The following ASH1L variants were observed in gnomAD, a reference collection of about 807,000 sequenced individuals.
ASH1L encodes histone-lysine N-methyltransferase ASH1L.
In ASH1L, 23 loss-of-function variants were observed where a neutral mutation model predicts 269.0. That is an observed-to-expected ratio of 0.09 (90% CI 0.06 to 0.12). The LOEUF (loss-of-function observed/expected upper bound fraction) is 0.12, where lower values mean the gene tolerates loss of function less well. ASH1L is among the 10% of genes least tolerant of loss of function. ASH1L has a pLI of 1.00. For synonymous variants in ASH1L, 1,187 were observed against 1,253.5 expected (o/e 0.95, Z 1.12); for missense variants, 2,912 against 3,567.8 (o/e 0.82, Z 4.68).
chr1:155,485,029 CG>C lies in ASH1L; in HGVS notation c.421-2581del, dbSNP rs533023670. On this transcript the variant is annotated intron_variant, in intron 2 of 27. Coordinates refer to ENST00000392403, the MANE Select transcript of ASH1L (RefSeq NM_018489.3). ...ATCCCAGCACTTTGTGAGGCCAAGA[CG>C]GGTGGATCACCTGAGGTCAGGAGTT... Among the ~76,000 whole-genome samples, 29 of 149,336 alleles carry C rather than the reference CG, an allele frequency of 1.9e-4. No homozygotes were observed. The South Asian group carries it at 6.1e-3, about 32-fold the overall frequency.
At chr1:155,344,367 T>G in intron 21 of ASH1L, 94 bp from the exon 22 acceptor site, 1 of 946,278 alleles carries the variant, frequency 1.1e-6, no homozygotes, top group South Asian at 1.5e-5. Context: ...AAACTTACTG[T>G]TTAGTCATTT....
In ASH1L at chr1:155,341,208, G is replaced by A. The variant is rs546966667; in HGVS notation, c.8460+728C>T. Among the ~76,000 whole-genome samples the A allele has an allele frequency of 1.6e-4, 23 of 144,544 alleles. No individual in the cohort carries two copies. In the East Asian group the frequency reaches 3.1e-3, roughly 20 times the overall value. The allele number at this position is 144,544 out of a possible 152,430, so 94.8% of individuals were successfully genotyped here. A position where few individuals can be genotyped will look rare whatever the true frequency, so the allele number is the denominator to read the frequency against. On this transcript the variant is annotated intron_variant, in intron 25 of 27. Transcript: ENST00000392403. ...TTTTTTTTTTTTGAGACGGAGTCTC[G>A]CTCTGTCACCCAGGCTGGAGTGCAG...
rs2148373288 is a variant in ASH1L at position 155,358,113 on chromosome 1, A to C, written c.6796-364T>G. Among the ~76,000 whole-genome samples the C allele has an allele frequency of 1.3e-5, 2 of 152,246 alleles. 1 individual carries two copies. The highest frequency in any genetic ancestry group is 1.3e-4 in the Admixed American group (2 of 15,276). ...AGCTTGCAGTCTCATTTACTAGCTTAAAGAGGATTCCTGAGCATTTGGACA... is the reference window on the plus strand; with the variant it reads ...AGCTTGCAGTCTCATTTACTAGCTTCAAGAGGATTCCTGAGCATTTGGACA... On this transcript the variant is annotated intron_variant, in intron 13 of 27. Coordinates refer to ENST00000392403, the MANE Select transcript of ASH1L (RefSeq NM_018489.3).
intron 2 of ASH1L, among the ~76,000 whole-genome samples, chr1:155,490,055 G>A (rs972509282): frequency 6.0e-5 from 9 of 150,554 alleles, no homozygotes; most frequent in Admixed American, 4.0e-4. Flanking sequence ...TGCAAACTCC[G>A]CCTCCCAGGT....
rs991757427 is a variant in ASH1L at position 155,384,736 on chromosome 1, C to A, written c.6104-4620G>T. ...TGTACTGAAATGTGATTATGTGTCT[C>A]GGCATATATTTGTTTGAGTTTATCC... is the stretch of plus-strand genomic sequence containing the variant. On this transcript the variant is annotated intron_variant, in intron 7 of 27. Transcript: ENST00000392403. Among the ~76,000 whole-genome samples the A allele has an allele frequency of 2.0e-5, 3 of 152,040 alleles. No homozygotes were observed. In the East Asian group the frequency reaches 5.8e-4, roughly 29 times the overall value.
intron 13 of ASH1L, among the ~76,000 whole-genome samples, chr1:155,359,909 A>T (rs1377430791): frequency 6.6e-6 from 1 of 150,476 alleles, no homozygotes; most frequent in Non-Finnish European, 1.5e-5. Context: ...TTTGAGACAG[A>T]GTCAGTCTTG....
rs142324327 is a variant in ASH1L at position 155,494,115 on chromosome 1, A to G, written c.421-11666T>C. ...AAGGCCAGGGATGGAAAGAATTTAC[A>G]ATGTTAAAACGGGCTGTCGGAAAGT... On this transcript the variant is annotated intron_variant, in intron 2 of 27. Coordinates refer to ENST00000392403, the MANE Select transcript of ASH1L (RefSeq NM_018489.3). Among the ~76,000 whole-genome samples, 41 of 152,318 alleles carry G rather than the reference A, an allele frequency of 2.7e-4. No homozygotes were observed. The East Asian group carries it at 7.3e-3, about 27-fold the overall frequency.
At chr1:155,391,007 G>A (rs1030865246) in intron 7 of ASH1L, among the ~76,000 whole-genome samples, 1 of 150,732 alleles carries the variant, frequency 6.6e-6, no homozygotes, top group Non-Finnish European at 1.5e-5. Flanking sequence ...GTACAGTGGC[G>A]CAATCTCTGC....
At chr1:155,410,356 T>C (rs1326431797) in intron 6 of ASH1L, among the ~76,000 whole-genome samples, 1 of 152,068 alleles carries the variant, frequency 6.6e-6, no homozygotes, top group Non-Finnish European at 1.5e-5. Context: ...CAGGCTGGAG[T>C]GCAATGGTGC....
chr1:155,500,863 G>A (rs1169404807), intron 2 of ASH1L, among the ~76,000 whole-genome samples: 2 of 152,116 alleles, frequency 1.3e-5, no homozygotes, highest in Non-Finnish European at 2.9e-5. Flanking sequence ...AGCTACTCAG[G>A]AGACTGAGGC....
At position 155,512,309 on chromosome 1, in the gene ASH1L, C is replaced by T. The variant is rs182892658; in HGVS notation, c.420+8791G>A. Among the ~76,000 whole-genome samples, 1,264 of 151,664 alleles carry T rather than the reference C, an allele frequency of 8.3e-3. 11 individuals carry two copies. Among genetic ancestry groups the T allele is most frequent in the Non-Finnish European group, 0.013 (870 of 67,912 alleles). On this transcript the variant is annotated intron_variant, in intron 2 of 27. Coordinates refer to ENST00000392403, the MANE Select transcript of ASH1L (RefSeq NM_018489.3). ...GCATGCACCTGTAATCCCAGCTACT[C>T]GGGAGGCTGAGGCAGGAGAATGGCT...
At chr1:155,408,117 C>A (rs1659445668) in intron 6 of ASH1L, among the ~76,000 whole-genome samples, 1 of 152,168 alleles carries the variant, frequency 6.6e-6, no homozygotes, top group African/African-American at 2.4e-5. Context: ...AGTTACACAA[C>A]TGCAAAGAAA....
intron 7 of ASH1L, among the ~76,000 whole-genome samples, chr1:155,385,182 G>A (rs1483763000): frequency 1.3e-5 from 2 of 151,998 alleles, no homozygotes; most frequent in Admixed American, 6.6e-5. Context: ...AGTGGCTCAC[G>A]CCTGTAAACC....
At chr1:155,380,220 A>T in intron 7 of ASH1L, 104 bp from the exon 8 acceptor site, 1 of 787,966 alleles carries the variant, frequency 1.3e-6, no homozygotes. Context: ...AAAAAAATAA[A>T]GATTTAATTC....
In ASH1L at chr1:155,480,396, TTATAAA is replaced by T; in HGVS notation, c.2468_2473del (p.Ile823_Tyr824del). 1 of 1,614,098 alleles carries T rather than the reference TTATAAA, an allele frequency of 6.2e-7. No homozygotes were observed. Among genetic ancestry groups the T allele is most frequent in the Non-Finnish European group, 8.5e-7 (1 of 1,179,928 alleles). On this transcript the variant is annotated inframe_deletion, in exon 3 of 28. Coordinates refer to ENST00000392403, the MANE Select transcript of ASH1L (RefSeq NM_018489.3). ...AGATTTAGGCCTTCCTCTTTTGGGC[TTATAAA>T]TATCAGACAAAAGGTCACTAGAGAC...
chr1:155,443,859 G>A (rs552136622), intron 4 of ASH1L, among the ~76,000 whole-genome samples: 14 of 151,274 alleles, frequency 9.3e-5, no homozygotes, highest in South Asian at 6.2e-4. Flanking sequence ...GGAAATCTGC[G>A]TTGTTTCCAG....
At chr1:155,423,222 T>C (rs1660858085) in intron 5 of ASH1L, among the ~76,000 whole-genome samples, 1 of 151,444 alleles carries the variant, frequency 6.6e-6, no homozygotes, top group Non-Finnish European at 1.5e-5. Flanking sequence ...GTGTTGGGAT[T>C]ACAGGCGTGA....
At chr1:155,538,915 C>T (rs776919050) in intron 1 of ASH1L, among the ~76,000 whole-genome samples, 9 of 152,088 alleles carry the variant, frequency 5.9e-5, no homozygotes, top group Non-Finnish European at 1.2e-4. Context: ...GTTTAATCCT[C>T]CTCCAATCTT....
At chr1:155,388,367 T>G (rs931816631) in intron 7 of ASH1L, among the ~76,000 whole-genome samples, 1 of 152,034 alleles carries the variant, frequency 6.6e-6, no homozygotes, top group Non-Finnish European at 1.5e-5. Flanking sequence ...TCTCAGCTCA[T>G]TGCAGCCTCA....
Sources: gnomAD v4.1 joint callset for allele counts (sites outside exome capture counted in the v4.1 genomes callset) on GRCh38, gnomAD v4.1.1 for gene constraint, MANE v1.5 for transcripts, NCBI Gene and HGNC (gene_info 2026-07-23, HGNC 2026-07-21) for gene names.